The following MUCL1 variants were observed in gnomAD, a reference collection of about 807,000 sequenced individuals.
The protein encoded by MUCL1 is mucin like 1.
Under a neutral mutation model 9.2 loss-of-function variants are expected in MUCL1, and 11 were observed. The ratio of observed to expected loss-of-function variants is 1.19; its 90% CI spans 0.75 to 1.97. The LOEUF is 1.97. MUCL1 is among the 30% of genes most tolerant of loss of function. The pLI is 0.00. For missense variants in MUCL1, 144 were observed against 110.9 expected (o/e 1.30, Z -1.34); for synonymous variants, 48 against 40.5 (o/e 1.19, Z -0.71).
At chr12:54,846,038 A>C (rs1249925673) in intron 1 of MUCL1, among the ~76,000 whole-genome samples, 1 of 152,116 alleles carries the variant, frequency 6.6e-6, no homozygotes, top group East Asian at 1.9e-4. Context: ...GACATTGACA[A>C]ATTCACCACT....
intron 1 of MUCL1, among the ~76,000 whole-genome samples, chr12:54,842,721 A>G (rs980144415): frequency 6.6e-6 from 1 of 152,182 alleles, no homozygotes; most frequent in Non-Finnish European, 1.5e-5. Flanking sequence ...TAGACGTTCT[A>G]TGAATACAAT....
At chr12:54,857,435 C>T (rs912683434) in intron 3 of MUCL1, among the ~76,000 whole-genome samples, 2 of 152,080 alleles carry the variant, frequency 1.3e-5, no homozygotes, top group African/African-American at 4.8e-5. Context: ...TGGACATTCA[C>T]TGAGGATCAA....
chr12:54,842,072 C>A (rs998683919), intron 1 of MUCL1, among the ~76,000 whole-genome samples: 2 of 152,110 alleles, frequency 1.3e-5, no homozygotes, highest in Admixed American at 1.3e-4. Flanking sequence ...AAATTCCCTA[C>A]AATTTATGCA....
In MUCL1 at chr12:54,841,657, T is replaced by C. The variant is rs79943600; in HGVS notation, c.43+2210T>C. On this transcript the variant is annotated intron_variant, in intron 1 of 3. Transcript: ENST00000546809. Reference sequence around the variant, plus strand: ...TATGTGTTCTTTGGGAAAATGTCTATTCAGATTCTTTGTCTACTTTGTAAT... The same window carrying C: ...TATGTGTTCTTTGGGAAAATGTCTACTCAGATTCTTTGTCTACTTTGTAAT... Among the ~76,000 whole-genome samples the C allele has an allele frequency of 2.7e-3, 416 of 152,326 alleles. 1 individual carries two copies. The highest frequency in any genetic ancestry group is 4.2e-3 in the Non-Finnish European group (283 of 68,024).
At chr12:54,836,691 T>G (rs1277167992), upstream of MUCL1, among the ~76,000 whole-genome samples, 1 of 152,212 alleles carries the variant, frequency 6.6e-6, no homozygotes, top group African/African-American at 2.4e-5. Context: ...ACTTGTGATC[T>G]TTTGAACTTT....
intron 1 of MUCL1, among the ~76,000 whole-genome samples, chr12:54,833,164 T>A (rs1959187611): frequency 1.3e-5 from 2 of 152,142 alleles, no homozygotes; most frequent in African/African-American, 4.8e-5. Flanking sequence ...TTTTTATGTA[T>A]GTTTTAATAA....
chr12:54,834,795 T>C (rs939368074), upstream of MUCL1, among the ~76,000 whole-genome samples: 5 of 152,092 alleles, frequency 3.3e-5, no homozygotes, highest in African/African-American at 1.2e-4. Context: ...TTTTTGGTTA[T>C]ATGGATGAAT....
At chr12:54,846,362 AC>A (rs1959254741) in intron 1 of MUCL1, among the ~76,000 whole-genome samples, 1 of 152,142 alleles carries the variant, frequency 6.6e-6, no homozygotes, top group Admixed American at 6.5e-5. Context: ...GGGTCTGACT[AC>A]TGGGGCAACT....
At chr12:54,839,529 T>A (rs996531520) in intron 1 of MUCL1, 1 of 700,054 alleles carries the variant, frequency 1.4e-6, no homozygotes, top group Admixed American at 2.0e-5. Context: ...TGAAATGCAC[T>A]GAGGTCTTTT....
At chr12:54,854,491 T>C, upstream of MUCL1, 1 of 958,430 alleles carries the variant, frequency 1.0e-6, no homozygotes, top group Non-Finnish European at 1.6e-6. Flanking sequence ...GCATATATAT[T>C]GTCAGGATGT....
upstream of MUCL1, among the ~76,000 whole-genome samples, chr12:54,853,068 G>A (rs1868267359): frequency 6.6e-6 from 1 of 152,074 alleles, no homozygotes; most frequent in South Asian, 2.1e-4. Flanking sequence ...CTCTTAGCAT[G>A]TTTTGGGGAG....
intron 1 of MUCL1, among the ~76,000 whole-genome samples, chr12:54,842,689 A>AT (rs1354473535): frequency 7.2e-5 from 11 of 152,256 alleles, no homozygotes; most frequent in Non-Finnish European, 1.3e-4. Context: ...TTAAATTCTC[A>AT]TTGTTTTTCT....
intron 1 of MUCL1, among the ~76,000 whole-genome samples, chr12:54,833,833 A>T (rs1388020576): frequency 1.2e-5 from 1 of 83,132 alleles, no homozygotes. Context: ...GGGTTGGGGG[A>T]GGGGGGAGGG....
At chr12:54,842,040 C>T (rs1323381907) in intron 1 of MUCL1, among the ~76,000 whole-genome samples, 4 of 152,056 alleles carry the variant, frequency 2.6e-5, no homozygotes, top group African/African-American at 9.7e-5. Context: ...AGAAAAGAAT[C>T]AACTAATTAG....
intron 1 of MUCL1, among the ~76,000 whole-genome samples, chr12:54,844,713 T>A (rs939629299): frequency 3.9e-5 from 6 of 152,240 alleles, no homozygotes; most frequent in African/African-American, 1.4e-4. Flanking sequence ...ACAACAAGCT[T>A]TAGTCTTGTC....
chr12:54,843,262 G>A (rs1045633647), intron 1 of MUCL1, among the ~76,000 whole-genome samples: 2 of 152,138 alleles, frequency 1.3e-5, no homozygotes, highest in Admixed American at 1.3e-4. Flanking sequence ...TATGATGTTT[G>A]CTGTTAATTA....
chr12:54,838,791 T>C (rs1201896436), upstream of MUCL1, among the ~76,000 whole-genome samples: 3 of 152,140 alleles, frequency 2.0e-5, no homozygotes, highest in African/African-American at 7.2e-5. Flanking sequence ...TTCTTTAAGA[T>C]ATCTATCTCT....
intron 1 of MUCL1, among the ~76,000 whole-genome samples, chr12:54,848,524 A>G (rs1218270538): frequency 6.6e-6 from 1 of 152,210 alleles, no homozygotes; most frequent in Non-Finnish European, 1.5e-5. Context: ...AAAATGTATT[A>G]GATTGGAAAA....
intron 1 of MUCL1, among the ~76,000 whole-genome samples, chr12:54,844,364 A>G (rs1959231362): frequency 2.0e-5 from 3 of 152,158 alleles, no homozygotes; most frequent in Admixed American, 2.0e-4. Context: ...TTGCTGAGGA[A>G]CAATGCCCTT....
Sources: gnomAD v4.1 joint callset for allele counts (sites outside exome capture counted in the v4.1 genomes callset) on GRCh38, gnomAD v4.1.1 for gene constraint, MANE v1.5 for transcripts, NCBI Gene and HGNC (gene_info 2026-07-23, HGNC 2026-07-21) for gene names.